The following BICD1 variants were observed in gnomAD, a reference collection of about 807,000 sequenced individuals.
The protein encoded by BICD1 is protein bicaudal D homolog 1.
Under a neutral mutation model 92.5 loss-of-function variants are expected in BICD1, and 35 were observed. The ratio of observed to expected loss-of-function variants is 0.38; its 90% confidence interval spans 0.29 to 0.50. The LOEUF is 0.50. Among genes scored for constraint, BICD1 ranks in the 20% least tolerant of loss-of-function variants. The pLI is 0.93. For missense variants in BICD1, 950 were observed against 1,189.8 expected (o/e 0.80, Z 2.97); for synonymous variants, 429 against 465.1 (o/e 0.92, Z 1.00).
intron 3 of BICD1, among the ~76,000 whole-genome samples, chr12:32,299,888 TTCAAG>T (rs1050187383): frequency 6.6e-6 from 1 of 152,116 alleles, no homozygotes; most frequent in African/African-American, 2.4e-5. Flanking sequence ...AATTAATGTC[TTCAAG>T]TCAAGACCAG....
intron 6 of BICD1, among the ~76,000 whole-genome samples, chr12:32,335,560 G>A (rs1351116535): frequency 2.0e-5 from 3 of 150,222 alleles, no homozygotes; most frequent in East Asian, 3.9e-4. Flanking sequence ...CTGTCACAAT[G>A]CAGTGTCAAA....
chr12:32,146,370 A>G (rs185168934), intron 1 of BICD1, among the ~76,000 whole-genome samples: 1 of 152,170 alleles, frequency 6.6e-6, no homozygotes, highest in African/African-American at 2.4e-5. Context: ...GAGATGTTTT[A>G]AAAAAGTGTT....
chr12:32,224,727 A>C (rs921034806), intron 2 of BICD1, among the ~76,000 whole-genome samples: 10 of 152,078 alleles, frequency 6.6e-5, no homozygotes. Flanking sequence ...ATTGAGATGG[A>C]GTCTTGCTCT....
At chr12:32,351,872 G>A (rs1938899792) in intron 8 of BICD1, among the ~76,000 whole-genome samples, 1 of 150,082 alleles carries the variant, frequency 6.7e-6, no homozygotes, top group South Asian at 2.1e-4. Context: ...TGGCGCCACT[G>A]CACTCCAGCC....
At chr12:32,360,738 A>G (rs1565696142) in intron 8 of BICD1, among the ~76,000 whole-genome samples, 6 of 152,184 alleles carry the variant, frequency 3.9e-5, no homozygotes, top group Admixed American at 2.6e-4. Flanking sequence ...GTCCAAATTC[A>G]TTGACTTATA....
chr12:32,231,102 C>T (rs1945872638), intron 2 of BICD1, among the ~76,000 whole-genome samples: 1 of 152,106 alleles, frequency 6.6e-6, no homozygotes, highest in Admixed American at 6.5e-5. Flanking sequence ...TCAAAAATAT[C>T]TTTAGCCTTT....
intron 8 of BICD1, among the ~76,000 whole-genome samples, chr12:32,341,488 A>G (rs1376073768): frequency 6.6e-6 from 1 of 151,702 alleles, no homozygotes; most frequent in Non-Finnish European, 1.5e-5. Flanking sequence ...AATTAGAGAT[A>G]TAAGGAATGT....
At chr12:32,292,273 A>G (rs1401286332) in intron 2 of BICD1, among the ~76,000 whole-genome samples, 1 of 152,056 alleles carries the variant, frequency 6.6e-6, no homozygotes, top group Non-Finnish European at 1.5e-5. Flanking sequence ...CTTTGCCTCC[A>G]TGGTCACGTG....
chr12:32,363,994 T>C (rs1405127903), intron 8 of BICD1, among the ~76,000 whole-genome samples: 1 of 98,020 alleles, frequency 1.0e-5, no homozygotes, highest in Non-Finnish European at 1.9e-5. Context: ...CTAGATGCTG[T>C]CATCATCACC....
chr12:32,287,996 G>T (rs112679208), intron 2 of BICD1, among the ~76,000 whole-genome samples: 1,831 of 152,232 alleles, frequency 0.012, 28 homozygotes, highest in African/African-American at 0.033. Context: ...GCTACCCTGG[G>T]GCTCTTCACA....
At chr12:32,334,759 C>T (rs1449817076) in intron 6 of BICD1, 92 bp downstream of exon 6, 7 of 1,404,644 alleles carry the variant, frequency 5.0e-6, no homozygotes, top group African/African-American at 2.9e-5. Context: ...TGAGTGTATT[C>T]GGTGAGTAGT....
chr12:32,248,492 A>C (rs973067210), intron 2 of BICD1, among the ~76,000 whole-genome samples: 1 of 152,172 alleles, frequency 6.6e-6, no homozygotes, highest in African/African-American at 2.4e-5. Flanking sequence ...AAAGAAGGAG[A>C]AATTGATGAA....
chr12:32,336,444 CTGTTTTT>C (rs1011816406), intron 6 of BICD1, among the ~76,000 whole-genome samples: 3 of 152,138 alleles, frequency 2.0e-5, no homozygotes, highest in African/African-American at 7.2e-5. Flanking sequence ...GCAGGGTTTT[CTGTTTTT>C]TGTTTTTTGA....
intron 1 of BICD1, among the ~76,000 whole-genome samples, chr12:32,155,615 A>G (rs1943414880): frequency 6.6e-6 from 1 of 152,236 alleles, no homozygotes; most frequent in Non-Finnish European, 1.5e-5. Context: ...GTTGCTATAT[A>G]ATAGCAAAGC....
intron 3 of BICD1, among the ~76,000 whole-genome samples, chr12:32,302,713 T>C (rs115239889): frequency 3.2e-4 from 48 of 152,276 alleles, no homozygotes; most frequent in African/African-American, 1.1e-3. Context: ...TAGTATGCCA[T>C]TGATAGATTT....
At chr12:32,355,388 G>A (rs1417330471) in intron 8 of BICD1, among the ~76,000 whole-genome samples, 1 of 152,196 alleles carries the variant, frequency 6.6e-6, no homozygotes, top group Admixed American at 6.5e-5. Flanking sequence ...CCCTAGCAAA[G>A]TGTTGTGGGG....
At chr12:32,278,557 A>T (rs1242987060) in intron 2 of BICD1, among the ~76,000 whole-genome samples, 18 of 152,218 alleles carry the variant, frequency 1.2e-4, no homozygotes, top group Admixed American at 1.2e-3. Context: ...TTTTACTAAT[A>T]AAAATTAACT....
intron 1 of BICD1, among the ~76,000 whole-genome samples, chr12:32,191,439 T>C (rs757872886): frequency 1.3e-5 from 2 of 151,780 alleles, no homozygotes; most frequent in African/African-American, 2.4e-5. Flanking sequence ...TTTTACAAAT[T>C]GAAGGTTTGT....
chr12:32,134,562 T>C (rs1220321399), intron 1 of BICD1, among the ~76,000 whole-genome samples: 1 of 152,190 alleles, frequency 6.6e-6, no homozygotes, highest in Non-Finnish European at 1.5e-5. Flanking sequence ...GACTTCCCTG[T>C]TGGCTCATCA....
Sources: gnomAD v4.1 joint callset for allele counts (sites outside exome capture counted in the v4.1 genomes callset) on GRCh38, gnomAD v4.1.1 for gene constraint, MANE v1.5 for transcripts, NCBI Gene and HGNC (gene_info 2026-07-23, HGNC 2026-07-21) for gene names.